The following DOCK3 variants were observed in gnomAD, a reference collection of about 807,000 sequenced individuals.
The protein encoded by DOCK3 is dedicator of cytokinesis 3.
DOCK3 carries 60 observed loss-of-function variants against 265.6 expected under a neutral mutation model. The observed-to-expected ratio is 0.23, with a 90% CI of 0.18 to 0.28. The LOEUF (loss-of-function observed/expected upper bound fraction) is 0.28, where lower values mean the gene tolerates loss of function less well. Among genes scored for constraint, DOCK3 ranks in the 10% least tolerant of loss-of-function variants. The pLI is 1.00. For synonymous variants in DOCK3, 881 were observed against 938.0 expected (o/e 0.94, Z 1.11); for missense variants, 1,981 against 2,594.3 (o/e 0.76, Z 5.14).
chr3:51,221,884 A>G (rs915380442), intron 14 of DOCK3, among the ~76,000 whole-genome samples: 1 of 152,190 alleles, frequency 6.6e-6, no homozygotes, highest in Non-Finnish European at 1.5e-5. Context: ...TCACCCTCTC[A>G]GCACATCTGC....
At chr3:50,844,988 CCAGG>C (rs538493380) in intron 3 of DOCK3, among the ~76,000 whole-genome samples, 236 of 152,148 alleles carry the variant, frequency 1.6e-3, no homozygotes, top group Non-Finnish European at 1.9e-3. Context: ...TTTGGGAGGC[CCAGG>C]CAGGTGGCTC....
At chr3:51,155,030 G>A (rs1009528098) in intron 10 of DOCK3, among the ~76,000 whole-genome samples, 4 of 152,128 alleles carry the variant, frequency 2.6e-5, no homozygotes, top group Non-Finnish European at 4.4e-5. Flanking sequence ...AGGCTTCAGT[G>A]CAGTGGCCTG....
chr3:51,334,230 A>G (rs1485354758), intron 35 of DOCK3, among the ~76,000 whole-genome samples: 4 of 152,212 alleles, frequency 2.6e-5, no homozygotes, highest in African/African-American at 9.6e-5. Context: ...TGAAGCCACA[A>G]CTGCAGCCTT....
chr3:50,996,044 T>C (rs2078269372), intron 5 of DOCK3, among the ~76,000 whole-genome samples: 1 of 149,412 alleles, frequency 6.7e-6, no homozygotes, highest in South Asian at 2.2e-4. Context: ...CGGCTAATTT[T>C]TGTGTTTTTA....
At chr3:50,850,495 A>G (rs2046308325) in intron 3 of DOCK3, among the ~76,000 whole-genome samples, 1 of 151,962 alleles carries the variant, frequency 6.6e-6, no homozygotes, top group Non-Finnish European at 1.5e-5. Flanking sequence ...CTGAGTCTCC[A>G]TTTTGGTTAG....
At chr3:51,284,818 C>T (rs1009695552) in intron 27 of DOCK3, among the ~76,000 whole-genome samples, 3 of 152,134 alleles carry the variant, frequency 2.0e-5, no homozygotes, top group African/African-American at 7.2e-5. Context: ...TCTATAGCTC[C>T]CACCCAAGAG....
Position 51,356,446 on chromosome 3 carries a change from A to G in DOCK3, c.4456A>G (p.Ser1486Gly). The G allele has an allele frequency of 1.2e-6, 2 of 1,611,656 alleles. No individual in the cohort carries two copies. Among genetic ancestry groups the G allele is most frequent in the South Asian group, 2.2e-5 (2 of 90,996 alleles). The change falls in exon 43 of 53, where the codon AGC becomes GGC. Residue 1486 changes from serine to glycine, a missense_variant. This residue lies in a region of DOCK3 where 1,357 missense variants were observed against 1,866.8 expected (regional missense o/e 0.73). Transcript: ENST00000266037. The part of the protein sequence containing the change: ...IERTTLTLTH[S>G]LPGISRWFEV... ...ACGTACCACACTGACCCTGACCCAC[A>G]GCTTGCCTGGCATCTCTCGGTGGTT...
intron 1 of DOCK3, among the ~76,000 whole-genome samples, chr3:50,679,908 G>A (rs2034266885): frequency 6.6e-6 from 1 of 152,170 alleles, no homozygotes; most frequent in South Asian, 2.1e-4. Flanking sequence ...TTCTACTTGA[G>A]CTTTACACTA....
chr3:50,980,985 C>T (rs1174678441), intron 5 of DOCK3, among the ~76,000 whole-genome samples: 3 of 151,818 alleles, frequency 2.0e-5, no homozygotes, highest in Non-Finnish European at 4.4e-5. Context: ...TATTTGTTTC[C>T]ATCCACTAAT....
At chr3:51,129,112 C>A (rs2084395875) in intron 9 of DOCK3, among the ~76,000 whole-genome samples, 1 of 152,216 alleles carries the variant, frequency 6.6e-6, no homozygotes, top group Non-Finnish European at 1.5e-5. Context: ...GACCATCCAG[C>A]CAAACCATTG....
rs567947567 is a variant in DOCK3 at position 51,158,903 on chromosome 3, A to G, written c.829-341A>G. On this transcript the variant is annotated intron_variant, in intron 10 of 52. Transcript: ENST00000266037. The stretch of plus-strand genomic sequence containing the variant: ...CCAATTTTTTCTTTACTGAACATTT[A>G]TTCCTTCTGTTACAGAATGTTTTTA... Among the ~76,000 whole-genome samples, 4 of 152,350 alleles carry G rather than the reference A, an allele frequency of 2.6e-5. No individual in the cohort carries two copies. The South Asian group carries it at 8.3e-4, about 32-fold the overall frequency.
At chr3:51,295,060 T>C (rs1469796558) in intron 27 of DOCK3, among the ~76,000 whole-genome samples, 1 of 152,228 alleles carries the variant, frequency 6.6e-6, no homozygotes, top group African/African-American at 2.4e-5. Flanking sequence ...ATCGGTGTAA[T>C]ACACCCTTAA....
At chr3:50,865,145 C>A (rs948234518) in intron 3 of DOCK3, among the ~76,000 whole-genome samples, 2 of 152,028 alleles carry the variant, frequency 1.3e-5, no homozygotes, top group Non-Finnish European at 2.9e-5. Context: ...TTTGTGTTAC[C>A]AACAGTCTAA....
At chr3:51,044,681 G>T (rs1389789907) in intron 5 of DOCK3, among the ~76,000 whole-genome samples, 2 of 151,140 alleles carry the variant, frequency 1.3e-5, no homozygotes, top group Non-Finnish European at 2.9e-5. Context: ...GTTGTTTCCT[G>T]TACCCATGTT....
intron 6 of DOCK3, among the ~76,000 whole-genome samples, chr3:51,070,706 CT>C (rs549411921): frequency 1.6e-4 from 25 of 152,180 alleles, no homozygotes; most frequent in Non-Finnish European, 3.5e-4. Context: ...ACATCTCCAT[CT>C]TTTCTCAGCT....
At chr3:51,081,895 C>CAAAA (rs56305507) in intron 7 of DOCK3, among the ~76,000 whole-genome samples, 1 of 117,594 alleles carries the variant, frequency 8.5e-6, no homozygotes, top group Non-Finnish European at 1.7e-5. Context: ...GACTCTGTCT[C>CAAAA]AAAAAAAAAA....
chr3:50,866,829 A>C (rs1226023391), intron 3 of DOCK3, among the ~76,000 whole-genome samples: 1 of 152,090 alleles, frequency 6.6e-6, no homozygotes, highest in Non-Finnish European at 1.5e-5. Context: ...TTTGGTTACT[A>C]TAGCTCTGTA....
intron 2 of DOCK3, among the ~76,000 whole-genome samples, chr3:50,779,003 T>C (rs2041767435): frequency 6.6e-6 from 1 of 152,188 alleles, no homozygotes; most frequent in Non-Finnish European, 1.5e-5. Flanking sequence ...TTTTTACATA[T>C]ATTTATGGGG....
At chr3:50,932,355 T>G (rs565713060) in intron 4 of DOCK3, among the ~76,000 whole-genome samples, 1 of 152,314 alleles carries the variant, frequency 6.6e-6, no homozygotes, top group Non-Finnish European at 1.5e-5. Flanking sequence ...CAAATAATAC[T>G]TGATGCTAAT....
Sources: allele counts gnomAD v4.1 joint callset (sites outside exome capture counted in the v4.1 genomes callset), GRCh38; gene constraint gnomAD v4.1.1; regional missense constraint gnomAD v4.1.1; transcripts MANE v1.5; gene names NCBI Gene and HGNC (gene_info 2026-07-23, HGNC 2026-07-21).